Variants in RCAN2 observed in about 807,000 individuals in gnomAD.
RCAN2 encodes the protein regulator of calcineurin 2, also known as calcipressin-2.
RCAN2 carries 9 observed loss-of-function variants against 23.6 expected under a neutral mutation model. That is an observed-to-expected ratio of 0.38 (90% CI 0.23 to 0.67). The LOEUF (loss-of-function observed/expected upper bound fraction) is 0.67, where lower values mean the gene tolerates loss of function less well. RCAN2 is among the 30% of genes least tolerant of loss of function. The probability of loss-of-function intolerance (pLI) is 0.51; values close to 1 mark genes in which losing one functional copy is unlikely to be tolerated. For synonymous variants in RCAN2, 109 were observed against 115.7 expected, an observed-to-expected ratio of 0.94 and a Z score of 0.37; for missense variants, 273 against 302.3, an observed-to-expected ratio of 0.90 and a Z score of 0.72.
chr6:46,431,326 C>T (rs1767197979), intron 2 of RCAN2, among the ~76,000 whole-genome samples: 1 of 152,160 alleles, frequency 6.6e-6, no homozygotes, highest in East Asian at 1.9e-4. Context: ...CCACCTCGGC[C>T]TCCTAAAGTG....
At chr6:46,267,420 C>T (rs188634732) in intron 2 of RCAN2, among the ~76,000 whole-genome samples, 29 of 152,246 alleles carry the variant, frequency 1.9e-4, no homozygotes, top group Admixed American at 1.9e-3. Flanking sequence ...GTGGTTCACG[C>T]CTATAATCCC....
chr6:46,251,865 A>G (rs539523497), intron 2 of RCAN2, among the ~76,000 whole-genome samples: 6 of 152,290 alleles, frequency 3.9e-5, no homozygotes, highest in African/African-American at 1.4e-4. Flanking sequence ...ACTCTTTGAT[A>G]TTCCTTGTTT....
intron 2 of RCAN2, among the ~76,000 whole-genome samples, chr6:46,338,822 G>A (rs1764217501): frequency 6.6e-6 from 1 of 151,954 alleles, no homozygotes; most frequent in African/African-American, 2.4e-5. Context: ...AGGCCAGTCT[G>A]GCCAAAGTGG....
intron 4 of RCAN2, among the ~76,000 whole-genome samples, chr6:46,232,790 C>CAA (rs35457944): frequency 0.17 from 15,382 of 88,542 alleles, 1,650 homozygotes; most frequent in Middle Eastern, 0.29. Context: ...AAGACTGTCT[C>CAA]AAAAAAAAAA....
chr6:46,291,245 C>T (rs188374595), intron 2 of RCAN2, among the ~76,000 whole-genome samples: 129 of 150,024 alleles, frequency 8.6e-4, no homozygotes, highest in Admixed American at 2.3e-3. Context: ...CTGAATCCAG[C>T]TGAACTGAAA....
At chr6:46,338,592 C>T (rs371778840) in intron 2 of RCAN2, among the ~76,000 whole-genome samples, 2 of 152,198 alleles carry the variant, frequency 1.3e-5, no homozygotes, top group African/African-American at 2.4e-5. Context: ...AGTCTGTTAT[C>T]AGCCTCCGAC....
chr6:46,452,446 C>T (rs1266252449), intron 2 of RCAN2, among the ~76,000 whole-genome samples: 1 of 152,204 alleles, frequency 6.6e-6, no homozygotes, highest in Non-Finnish European at 1.5e-5. Context: ...CCTACATCAT[C>T]AGTGTCCTTA....
intron 2 of RCAN2, among the ~76,000 whole-genome samples, chr6:46,404,858 C>T (rs1766352065): frequency 6.6e-6 from 1 of 152,198 alleles, no homozygotes; most frequent in Non-Finnish European, 1.5e-5. Context: ...TATATGACTG[C>T]ACCACAGGTT....
intron 2 of RCAN2, among the ~76,000 whole-genome samples, chr6:46,351,170 G>C (rs952568209): frequency 6.6e-6 from 1 of 152,226 alleles, no homozygotes; most frequent in African/African-American, 2.4e-5. Context: ...TGGTAAATGA[G>C]GCCAGGATTT....
chr6:46,224,921 T>C lies in RCAN2; in HGVS notation c.572-1620A>G, dbSNP rs377322079. 1.2e-3 allele frequency among the ~76,000 whole-genome samples: 176 copies of C among 151,486 alleles called. 2 individuals are homozygous for C. In the East Asian group the frequency reaches 0.029, roughly 25 times the overall value. The stretch of plus-strand genomic sequence containing the variant: ...GTCATTTACATATCTCCTAATGCTA[T>C]CCCTCCCCCCCTTCCCCCACCCCAT... On this transcript the variant is annotated intron_variant, in intron 4 of 4. Coordinates refer to ENST00000371374, the MANE Select transcript of RCAN2 (RefSeq NM_001251974.2).
intron 2 of RCAN2, among the ~76,000 whole-genome samples, chr6:46,273,851 G>A (rs1275250846): frequency 6.6e-6 from 1 of 151,874 alleles, no homozygotes; most frequent in African/African-American, 2.4e-5. Flanking sequence ...CTGTAAGAGT[G>A]TGGCAGATTC....
chr6:46,235,854 C>T (rs560287630), intron 4 of RCAN2, among the ~76,000 whole-genome samples: 9 of 152,290 alleles, frequency 5.9e-5, no homozygotes, highest in South Asian at 4.2e-4. Flanking sequence ...AACTAACTTC[C>T]GTGCCAGAAT....
At chr6:46,469,610 A>G (rs1311881332) in intron 1 of RCAN2, among the ~76,000 whole-genome samples, 1 of 152,282 alleles carries the variant, frequency 6.6e-6, no homozygotes, top group Admixed American at 6.5e-5. Context: ...TGGCCTCCAC[A>G]CTGCTTTACA....
At chr6:46,334,994 G>T (rs1370605769) in intron 2 of RCAN2, among the ~76,000 whole-genome samples, 1 of 152,148 alleles carries the variant, frequency 6.6e-6, no homozygotes, top group African/African-American at 2.4e-5. Flanking sequence ...AATAAAAAGG[G>T]TGTTTGCTCA....
At chr6:46,359,401 A>C (rs1764934114) in intron 2 of RCAN2, among the ~76,000 whole-genome samples, 1 of 152,248 alleles carries the variant, frequency 6.6e-6, no homozygotes, top group Admixed American at 6.5e-5. Flanking sequence ...AGAAGACAGC[A>C]AAGATGTACT....
intron 1 of RCAN2, among the ~76,000 whole-genome samples, chr6:46,480,173 C>T (rs1768817564): frequency 6.6e-6 from 1 of 152,162 alleles, no homozygotes; most frequent in Non-Finnish European, 1.5e-5. Flanking sequence ...GTCTGGGCTT[C>T]CCACTTATTA....
chr6:46,403,572 C>CG (rs1766319862), intron 2 of RCAN2, among the ~76,000 whole-genome samples: 1 of 122,622 alleles, frequency 8.2e-6, no homozygotes, highest in Non-Finnish European at 1.7e-5. Flanking sequence ...AACTCCGTAT[C>CG]AAAAAAAAAA....
At chr6:46,431,031 A>T (rs1044309072) in intron 2 of RCAN2, among the ~76,000 whole-genome samples, 1 of 152,208 alleles carries the variant, frequency 6.6e-6, no homozygotes, top group African/African-American at 2.4e-5. Flanking sequence ...ATATGGAAGC[A>T]GGAGGTGCTC....
At chr6:46,448,514 C>G (rs945683715) in intron 2 of RCAN2, among the ~76,000 whole-genome samples, 1 of 151,686 alleles carries the variant, frequency 6.6e-6, no homozygotes, top group Non-Finnish European at 1.5e-5. Flanking sequence ...AGTCAGACAA[C>G]TACACTACAA....
Sources: gnomAD v4.1 joint callset for allele counts (sites outside exome capture counted in the v4.1 genomes callset) on GRCh38, gnomAD v4.1.1 for gene constraint, MANE v1.5 for transcripts, NCBI Gene and HGNC (gene_info 2026-07-23, HGNC 2026-07-21) for gene names.